The following GK5 variants were observed in gnomAD, a reference collection of about 807,000 sequenced individuals.
The protein encoded by GK5 is ATP:glycerol 3-phosphotransferase 5.
In GK5, 39 loss-of-function variants were observed where a neutral mutation model predicts 77.3. That is an observed-to-expected ratio of 0.50 (90% CI 0.39 to 0.66). The LOEUF is 0.66. Among genes scored for constraint, GK5 ranks in the 30% least tolerant of loss-of-function variants. GK5 has a pLI of 0.00. For missense variants in GK5, 487 were observed against 633.8 expected (o/e 0.77, Z 2.49); for synonymous variants, 211 against 208.0 (o/e 1.01, Z -0.13).
At chr3:142,206,863 G>C (rs1370337429) in intron 3 of GK5, among the ~76,000 whole-genome samples, 1 of 152,126 alleles carries the variant, frequency 6.6e-6, no homozygotes, top group East Asian at 1.9e-4. Flanking sequence ...TGTAAAATTG[G>C]AAAAATTATT....
intron 4 of GK5, 34 bp downstream of exon 4, chr3:142,204,661 C>T: frequency 8.5e-7 from 1 of 1,176,886 alleles, no homozygotes; most frequent in Non-Finnish European, 1.3e-6. Context: ...AAAAAAAAAC[C>T]AACAATATCC....
intron 3 of GK5, among the ~76,000 whole-genome samples, chr3:142,207,794 C>A (rs28679663): frequency 0.15 from 22,284 of 152,174 alleles, 1,718 homozygotes; most frequent in Admixed American, 0.2. Flanking sequence ...CACCTAGGAA[C>A]AAAGAGAGAG....
chr3:142,220,821 T>G (rs1044523866), intron 1 of GK5, among the ~76,000 whole-genome samples: 4 of 152,180 alleles, frequency 2.6e-5, no homozygotes, highest in Admixed American at 2.6e-4. Flanking sequence ...ACTCTGGAAA[T>G]TAGAGGTTCC....
At chr3:142,209,320 A>G (rs1226957598) in intron 3 of GK5, among the ~76,000 whole-genome samples, 1 of 152,214 alleles carries the variant, frequency 6.6e-6, no homozygotes, top group East Asian at 1.9e-4. Flanking sequence ...CAAATGTCCT[A>G]GAGCAAGATA....
At chr3:142,174,378 G>C (rs2063579937) in intron 12 of GK5, among the ~76,000 whole-genome samples, 1 of 152,032 alleles carries the variant, frequency 6.6e-6, no homozygotes, top group Non-Finnish European at 1.5e-5. Flanking sequence ...AACGTATATA[G>C]TAAATCTGGT....
chr3:142,188,541 CAAAA>C (rs200434197), intron 5 of GK5, among the ~76,000 whole-genome samples: 1 of 151,902 alleles, frequency 6.6e-6, no homozygotes, highest in Non-Finnish European at 1.5e-5. Context: ...CAAAACAAAA[CAAAA>C]AAAAGCCCAA....
At position 142,162,581 on chromosome 3, in the gene GK5, C is replaced by T. The variant is rs1315022786; in HGVS notation, c.*3041G>A. The T allele has an allele frequency of 6.6e-6, 1 of 152,178 alleles. No homozygotes were observed. The highest frequency in any genetic ancestry group is 1.9e-4 in the East Asian group (1 of 5,202). The allele number at this position is 152,178 out of a possible 1,614,324, so 9.4% of individuals were successfully genotyped here. A position where few individuals can be genotyped will look rare whatever the true frequency, so the allele number is the denominator to read the frequency against. On this transcript the variant is annotated 3_prime_UTR_variant, in exon 16 of 16. Transcript: ENST00000392993. ...AGGAACATTCTCTTCCTTTATCAGA[C>T]AGTTGCAGACCTTCTAAAAATATCT...
intron 5 of GK5, among the ~76,000 whole-genome samples, chr3:142,197,749 G>A (rs186677067): frequency 6.6e-6 from 1 of 152,282 alleles, no homozygotes; most frequent in Non-Finnish European, 1.5e-5. Flanking sequence ...ACATGGCTGG[G>A]CATGGTGATT....
In GK5 at chr3:142,164,097, T is replaced by A. The variant is rs1215837168; in HGVS notation, c.*1525A>T. ...TAATAATACTATATATTTGTTACAA[T>A]GCCTTCATCAGAAAATTTAATAATT... is the stretch of plus-strand genomic sequence containing the variant. On this transcript the variant is annotated 3_prime_UTR_variant, in exon 16 of 16. Coordinates refer to ENST00000392993, the MANE Select transcript of GK5 (RefSeq NM_001039547.3). The A allele has an allele frequency of 6.6e-6, 1 of 152,156 alleles. No individual in the cohort carries two copies. Among genetic ancestry groups the A allele is most frequent in the Non-Finnish European group, 1.5e-5 (1 of 68,026 alleles). The allele number at this position is 152,156 out of a possible 1,614,324, so 9.4% of individuals were successfully genotyped here.
At chr3:142,213,668 T>C (rs1577149954) in intron 2 of GK5, 67 bp from the exon 3 acceptor site, 1 of 1,018,084 alleles carries the variant, frequency 9.8e-7, no homozygotes, top group Non-Finnish European at 1.5e-6. Context: ...AATATTACAA[T>C]ATAGAAAAAG....
At chr3:142,200,564 C>A (rs1439501776) in intron 4 of GK5, among the ~76,000 whole-genome samples, 1 of 152,166 alleles carries the variant, frequency 6.6e-6, no homozygotes, top group Non-Finnish European at 1.5e-5. Context: ...CATAAGCCTT[C>A]TTCTGATTTG....
chr3:142,187,802 ATCGATTC>A (rs1159246290), intron 5 of GK5, 23 bp from the exon 6 acceptor site: 1 of 1,590,102 alleles, frequency 6.3e-7, no homozygotes, highest in Admixed American at 1.8e-5. Context: ...ACAGCACAAA[ATCGATTC>A]AAAAAGGCTA....
chr3:142,190,606 T>C lies in GK5; in HGVS notation c.544-2827A>G, dbSNP rs1025185547. The stretch of plus-strand genomic sequence containing the variant: ...CATAAAACACACTAAACCTAGATAA[T>C]AAGCACAGAAAATATGTTTGATAAA... On this transcript the variant is annotated intron_variant, in intron 5 of 15. Transcript: ENST00000392993. 3.3e-5 allele frequency among the ~76,000 whole-genome samples: 5 copies of C among 152,214 alleles called. No individual in the cohort carries two copies. In the East Asian group the frequency reaches 9.6e-4, roughly 29 times the overall value.
At chr3:142,207,230 G>T (rs986378427) in intron 3 of GK5, among the ~76,000 whole-genome samples, 2 of 152,116 alleles carry the variant, frequency 1.3e-5, no homozygotes, top group Non-Finnish European at 2.9e-5. Context: ...ACGCATGAGG[G>T]GGGTGCCTAT....
At position 142,204,636 on chromosome 3, in the gene GK5, A is replaced by T. The variant is rs188467502; in HGVS notation, c.411+59T>A. ...AAATAGGTAGGAAATAATACAATTA[A>T]GGGACATTTACAGAAAAAAAAAACC... On this transcript the variant is annotated intron_variant, in intron 4 of 15. Transcript: ENST00000392993. 4.9e-4 allele frequency: 449 copies of T among 909,108 alleles called. 2 individuals carry two copies. The African/African-American group carries it at 6.2e-3, about 13-fold the overall frequency. The allele number at this position is 909,108 out of a possible 1,614,324, so 56.3% of individuals were successfully genotyped here. A position where few individuals can be genotyped will look rare whatever the true frequency, so the allele number is the denominator to read the frequency against.
chr3:142,175,608 G>T (rs1246463150), intron 12 of GK5, among the ~76,000 whole-genome samples: 1 of 151,978 alleles, frequency 6.6e-6, no homozygotes, highest in Non-Finnish European at 1.5e-5. Flanking sequence ...ATTGCTGTTT[G>T]GTTTAACTTT....
chr3:142,180,532 C>CCT (rs2063681897), intron 11 of GK5, among the ~76,000 whole-genome samples: 1 of 152,138 alleles, frequency 6.6e-6, no homozygotes, highest in South Asian at 2.1e-4. Context: ...GAACTCCCAA[C>CCT]CTCAGGTAAT....
rs574077717 is a variant in GK5 at position 142,190,161 on chromosome 3, G to A, written c.544-2382C>T. Reference sequence around the variant, plus strand: ...TAATAGCACATTAGAAACAATTGAAGAGTGAATAATAGATTGGAAGACAGG... The same window carrying A: ...TAATAGCACATTAGAAACAATTGAAAAGTGAATAATAGATTGGAAGACAGG... On this transcript the variant is annotated intron_variant, in intron 5 of 15. Transcript: ENST00000392993. Among the ~76,000 whole-genome samples, 344 of 152,218 alleles carry A rather than the reference G, an allele frequency of 2.3e-3. 1 individual carries two copies. Among genetic ancestry groups the A allele is most frequent in the African/African-American group, 7.7e-3 (319 of 41,556 alleles).
chr3:142,204,132 C>T (rs1196072929), intron 4 of GK5: 3 of 167,842 alleles, frequency 1.8e-5, no homozygotes, highest in Non-Finnish European at 2.6e-5. Flanking sequence ...AATCCTCTCA[C>T]CTCAGCCTAC....
Sources: allele counts gnomAD v4.1 joint callset (sites outside exome capture counted in the v4.1 genomes callset), GRCh38; gene constraint gnomAD v4.1.1; transcripts MANE v1.5; gene names NCBI Gene and HGNC (gene_info 2026-07-23, HGNC 2026-07-21).